Variants in RPS6KA6 observed in about 807,000 individuals in gnomAD.
RPS6KA6 encodes ribosomal protein S6 kinase alpha-6.
A neutral mutation model predicts 65.4 loss-of-function variants in RPS6KA6; 27 were observed. That is an observed-to-expected ratio of 0.41 (90% CI 0.30 to 0.57). RPS6KA6 has a LOEUF of 0.57. Among genes scored for constraint, RPS6KA6 ranks in the 20% least tolerant of loss-of-function variants. The pLI is 0.24. For missense variants in RPS6KA6, 486 were observed against 555.6 expected (o/e 0.87, Z 1.26); for synonymous variants, 190 against 184.2 (o/e 1.03, Z -0.26).
upstream of RPS6KA6, among the ~76,000 whole-genome samples, chrX:84,188,328 T>C (rs1035591951): frequency 9.8e-6 from 1 of 102,309 alleles, no homozygotes; most frequent in African/African-American, 3.5e-5. Flanking sequence ...CACCCAAACG[T>C]CAATGGAGAT....
chrX:84,087,007 T>G (rs1379547805), intron 20 of RPS6KA6, among the ~76,000 whole-genome samples: 1 of 111,533 alleles, frequency 9.0e-6, no homozygotes, highest in Non-Finnish European at 1.9e-5. Flanking sequence ...ATTTGCTTGG[T>G]AAATTTTCCT....
chrX:84,157,153 C>T (rs1450708650), intron 2 of RPS6KA6, among the ~76,000 whole-genome samples: 1 of 111,354 alleles, frequency 9.0e-6, no homozygotes, highest in Non-Finnish European at 1.9e-5. Context: ...AGAGTATGGT[C>T]CCAAATGAGC....
rs2034387896 is a variant in RPS6KA6 at position 84,107,707 on chromosome X, C to T, written c.1027G>A (p.Val343Ile). The T allele has an allele frequency of 7.7e-6, 9 of 1,163,967 alleles. No individual in the cohort carries two copies. The highest frequency in any genetic ancestry group is 9.4e-6 in the Non-Finnish European group (8 of 855,386). The change falls in exon 13 of 22, where the codon GTT becomes ATT. Residue 343 changes from valine (V) to isoleucine (I), a missense_variant. This residue lies in a region of RPS6KA6 where 345 missense variants were observed against 375.0 expected (regional missense o/e 0.92). Coordinates refer to ENST00000262752, the MANE Select transcript of RPS6KA6 (RefSeq NM_014496.5). ...GAAGCAGGTTTGAAAGGAGGTTGAA[C>T]TTCTCTTTTATATAATTTCTAGAAG... Reference protein sequence around the residue: ...IDWDKLYKREVQPPFKPASGK... With the variant: ...IDWDKLYKREIQPPFKPASGK...
intron 1 of RPS6KA6, among the ~76,000 whole-genome samples, chrX:84,172,070 C>T (rs899294203): frequency 4.5e-5 from 5 of 111,827 alleles, no homozygotes; most frequent in African/African-American, 1.6e-4. Flanking sequence ...TTTTCTTTAT[C>T]CAGTCTATCA....
In RPS6KA6 at chrX:84,077,130, T is replaced by C. The variant is rs762651987; in HGVS notation, c.1972-12019A>G. ...TGGAAAGAGATACTGTGTTTATAGA[T>C]AAGAAAAGTCAATGCTGTTAAAATG... On this transcript the variant is annotated intron_variant, in intron 20 of 21. Transcript: ENST00000262752. Among the ~76,000 whole-genome samples, 297 of 111,647 alleles carry C rather than the reference T, an allele frequency of 2.7e-3. 2 individuals carry two copies. Among genetic ancestry groups the C allele is most frequent in the African/African-American group, 9.4e-3 (290 of 30,866 alleles).
intron 3 of RPS6KA6, among the ~76,000 whole-genome samples, chrX:84,151,684 G>A (rs1327681189): frequency 9.0e-6 from 1 of 111,521 alleles, no homozygotes; most frequent in Non-Finnish European, 1.9e-5. Context: ...GGCTTCACAT[G>A]TACTTCCTAT....
At chrX:84,115,545 T>C (rs1466961917) in intron 12 of RPS6KA6, among the ~76,000 whole-genome samples, 1 of 111,685 alleles carries the variant, frequency 9.0e-6, no homozygotes, top group Non-Finnish European at 1.9e-5. Flanking sequence ...AAAAACCATA[T>C]GAAGATTTCT....
At chrX:84,155,481 T>C (rs763881205) in intron 3 of RPS6KA6, among the ~76,000 whole-genome samples, 137 of 112,073 alleles carry the variant, frequency 1.2e-3, no homozygotes, top group African/African-American at 4.1e-3. Context: ...AACCATGTTA[T>C]TAAGTGCTTA....
intron 20 of RPS6KA6, among the ~76,000 whole-genome samples, chrX:84,088,391 T>C (rs2033973623): frequency 8.9e-6 from 1 of 111,877 alleles, no homozygotes; most frequent in Non-Finnish European, 1.9e-5. Flanking sequence ...GCTGCTGTGG[T>C]TTGCTGGGGG....
chrX:84,152,105 C>T (rs1187407995), intron 3 of RPS6KA6, among the ~76,000 whole-genome samples: 2 of 111,177 alleles, frequency 1.8e-5, no homozygotes, highest in Non-Finnish European at 3.8e-5. Context: ...ACTTTTTTCC[C>T]CTAGTTCTTC....
At chrX:84,182,059 TCTCTCACACACA>T (rs1370676220) in intron 1 of RPS6KA6, among the ~76,000 whole-genome samples, 276 of 75,547 alleles carry the variant, frequency 3.7e-3, no homozygotes, top group Non-Finnish European at 5.4e-3. Context: ...TCTCTCTCTC[TCTCTCACACACA>T]CACACACACA....
intron 12 of RPS6KA6, among the ~76,000 whole-genome samples, chrX:84,111,408 T>A (rs1427806889): frequency 9.0e-6 from 1 of 111,248 alleles, no homozygotes; most frequent in African/African-American, 3.3e-5. Context: ...CCAAGTTCAA[T>A]GTGAAAGAAT....
rs11445430 is a variant in RPS6KA6, at chrX:84,184,829, CAAAAAAA to C, written c.81+2983_81+2989del. Among the ~76,000 whole-genome samples the C allele has an allele frequency of 1.1e-3, 22 of 20,056 alleles. 1 individual carries two copies. The East Asian group carries it at 0.041, about 38-fold the overall frequency. The allele number at this position is 20,056 out of a possible 115,157, so 17.4% of individuals were successfully genotyped here. A position where few individuals can be genotyped will look rare whatever the true frequency, so the allele number is the denominator to read the frequency against. ...ACAATGACATAGAAAGACCCTGACT[CAAAAAAA>C]AAAAAAAAAAAAAAAAACTAACTTG... On this transcript the variant is annotated intron_variant, in intron 1 of 21. Coordinates refer to ENST00000262752, the MANE Select transcript of RPS6KA6 (RefSeq NM_014496.5).
rs1395711128 is a variant in RPS6KA6, at chrX:84,104,491, C to T, written c.1614+8G>A. Reference sequence around the variant, plus strand: ...AGAATAGAAAGAAAAAAGTTAACTACAACTTACTCCTTGACAATGAAGATA... The same window carrying T: ...AGAATAGAAAGAAAAAAGTTAACTATAACTTACTCCTTGACAATGAAGATA... On this transcript the variant is annotated splice_region_variant and intron_variant, in intron 17 of 21. Coordinates refer to ENST00000262752, the MANE Select transcript of RPS6KA6 (RefSeq NM_014496.5). The T allele has an allele frequency of 9.2e-7, 1 of 1,092,708 alleles. No individual in the cohort carries two copies. 90.1% of individuals were successfully genotyped at this position (1,092,708 alleles called of 1,213,427 possible).
At chrX:84,143,483 C>T (rs758208723) in intron 6 of RPS6KA6, among the ~76,000 whole-genome samples, 11 of 110,845 alleles carry the variant, frequency 9.9e-5, no homozygotes, top group Admixed American at 7.7e-4. Context: ...AGAGGTAAAT[C>T]TGACAAAAGA....
At chrX:84,141,962 G>A (rs913734647) in intron 6 of RPS6KA6, among the ~76,000 whole-genome samples, 6 of 111,146 alleles carry the variant, frequency 5.4e-5, no homozygotes, top group African/African-American at 2.0e-4. Context: ...AAAATTTGTA[G>A]AATAGGCAGA....
chrX:84,174,361 C>T (rs993356340), intron 1 of RPS6KA6, among the ~76,000 whole-genome samples: 2 of 111,377 alleles, frequency 1.8e-5, no homozygotes, highest in Non-Finnish European at 3.8e-5. Flanking sequence ...TGAAATACAC[C>T]CACCTAATTA....
chrX:84,078,899 T>C, intron 20 of RPS6KA6, among the ~76,000 whole-genome samples: 1 of 111,166 alleles, frequency 9.0e-6, no homozygotes, highest in Admixed American at 9.6e-5. Context: ...TGGGTGTGTA[T>C]ATATGTCATA....
chrX:84,118,262 C>T (rs1350734710), intron 9 of RPS6KA6, among the ~76,000 whole-genome samples: 2 of 111,159 alleles, frequency 1.8e-5, no homozygotes, highest in Non-Finnish European at 3.8e-5. Context: ...TTAATGTCTC[C>T]CAAAATCTGC....
Sources: gnomAD v4.1 joint callset for allele counts (sites outside exome capture counted in the v4.1 genomes callset) on GRCh38, gnomAD v4.1.1 for gene constraint, gnomAD v4.1.1 regional missense constraint, MANE v1.5 for transcripts, NCBI Gene and HGNC (gene_info 2026-07-23, HGNC 2026-07-21) for gene names.